The following ZNF398 variants were observed in gnomAD, a reference collection of about 807,000 sequenced individuals.
ZNF398 encodes the protein zinc finger DNA binding protein ZER6.
ZNF398 carries 18 observed loss-of-function variants against 41.9 expected under a neutral mutation model. The observed-to-expected ratio is 0.43, with a 90% confidence interval of 0.30 to 0.64. The LOEUF (loss-of-function observed/expected upper bound fraction) is 0.64. Ranked by LOEUF, ZNF398 falls within the 30% of genes least tolerant of loss-of-function variation. The probability of loss-of-function intolerance (pLI) is 0.14; values close to 1 mark genes in which losing one functional copy is unlikely to be tolerated. For synonymous variants in ZNF398, 260 were observed against 308.8 expected (o/e 0.84, Z 1.66); for missense variants, 669 against 822.8 (o/e 0.81, Z 2.29).
At chr7:149,138,916 ATTT>A (rs35109418) in intron 2 of ZNF398, among the ~76,000 whole-genome samples, 1 of 145,024 alleles carries the variant, frequency 6.9e-6, no homozygotes, top group Non-Finnish European at 1.5e-5. Flanking sequence ...TGCCCAGCTA[ATTT>A]TTTTTTTTTT....
At chr7:149,166,131 G>T in intron 2 of ZNF398, 27 bp from the exon 3 acceptor site, 1 of 1,609,484 alleles carries the variant, frequency 6.2e-7, no homozygotes, top group Non-Finnish European at 8.5e-7. Context: ...TAATGGAAGG[G>T]ACTAACCCAT....
At chr7:149,143,062 C>T (rs1222584723), upstream of ZNF398, among the ~76,000 whole-genome samples, 2 of 152,052 alleles carry the variant, frequency 1.3e-5, no homozygotes, top group African/African-American at 2.4e-5. Flanking sequence ...AGGTGATTCT[C>T]CCACATCTAG....
At chr7:149,140,379 A>C (rs781355256) in intron 2 of ZNF398, among the ~76,000 whole-genome samples, 3 of 152,122 alleles carry the variant, frequency 2.0e-5, no homozygotes, top group Admixed American at 6.6e-5. Flanking sequence ...CATTCATAAC[A>C]GTACATAAAA....
chr7:149,126,428 G>T, exon 1 of ZNF398: 1 of 854,032 alleles, frequency 1.2e-6, no homozygotes, highest in Non-Finnish European at 1.7e-6. Context: ...GGTCCTCAGA[G>T]GAGGGGCCCG....
rs556288094 is a variant in ZNF398 at position 149,149,959 on chromosome 7, A to G, written c.24+2193A>G. 3.0e-4 allele frequency among the ~76,000 whole-genome samples: 45 copies of G among 152,304 alleles called. 1 individual carries two copies. The South Asian group carries it at 8.9e-3, about 30-fold the overall frequency. On this transcript the variant is annotated intron_variant, in intron 1 of 5. Transcript: ENST00000475153. ...CAGTGGCCACATGTAGGTAGTGGCT[A>G]CTGTATTGAACAGTGCCAGTCCACC... is the stretch of plus-strand genomic sequence containing the variant.
chr7:149,149,109 T>C (rs1827044529), intron 1 of ZNF398, among the ~76,000 whole-genome samples: 1 of 151,690 alleles, frequency 6.6e-6, no homozygotes, highest in Non-Finnish European at 1.5e-5. Flanking sequence ...TTCGAGGCAG[T>C]CCACACCGCG....
At chr7:149,129,687 G>C (rs1012817883) in intron 2 of ZNF398, among the ~76,000 whole-genome samples, 1 of 151,294 alleles carries the variant, frequency 6.6e-6, no homozygotes, top group Non-Finnish European at 1.5e-5. Flanking sequence ...GCCTACAACA[G>C]TTTTATTTTA....
At chr7:149,134,947 T>G (rs1300949134) in intron 2 of ZNF398, among the ~76,000 whole-genome samples, 1 of 152,088 alleles carries the variant, frequency 6.6e-6, no homozygotes, top group Non-Finnish European at 1.5e-5. Flanking sequence ...GCCAGGCTGG[T>G]CTGGAATCCC....
Position 149,166,976 on chromosome 7 carries a change from C to T in ZNF398, c.661+46C>T, listed in dbSNP as rs369700851. 8 of 1,403,266 alleles carry T rather than the reference C, an allele frequency of 5.7e-6. No homozygotes were observed. The African/African-American group carries it at 1.1e-4, about 20-fold the overall frequency. The allele number at this position is 1,403,266 out of a possible 1,614,324, so 86.9% of individuals were successfully genotyped here. A position where few individuals can be genotyped will look rare whatever the true frequency, so the allele number is the denominator to read the frequency against. On this transcript the variant is annotated intron_variant, in intron 4 of 5. Coordinates refer to ENST00000475153, the MANE Select transcript of ZNF398 (RefSeq NM_170686.3). Reference sequence around the variant, plus strand: ...CTACTTCTTGTCTCCCTTTCCTGGTCAGACATGGTGGCTCAGAGCTAAGCA... The same window carrying T: ...CTACTTCTTGTCTCCCTTTCCTGGTTAGACATGGTGGCTCAGAGCTAAGCA...
intron 2 of ZNF398, among the ~76,000 whole-genome samples, chr7:149,136,238 A>C (rs1348574646): frequency 6.6e-6 from 1 of 152,120 alleles, no homozygotes; most frequent in Admixed American, 6.6e-5. Context: ...TAAAAATCAC[A>C]CTCAAGGCTG....
At chr7:149,165,997 T>C (rs118149967) in intron 2 of ZNF398, among the ~76,000 whole-genome samples, 161 bp from the exon 3 acceptor site, 4,517 of 152,282 alleles carry the variant, frequency 0.03, 124 homozygotes, top group South Asian at 0.037. Flanking sequence ...GATTTTCTAA[T>C]GACAAGTGAA....
chr7:149,147,798 C>A lies in ZNF398; in HGVS notation c.24+32C>A, dbSNP rs769014125. On this transcript the variant is annotated intron_variant, in intron 1 of 5. Coordinates refer to ENST00000475153, the MANE Select transcript of ZNF398 (RefSeq NM_170686.3). The surrounding 1 kb of genome is among the most constrained non-coding windows in gnomAD (Gnocchi z 5.6). ...GCGGCCGCGCGCGAGTGTTGTGAGCCCCCGAGACCCAGACCCCGAGGGAGG... is the reference window on the plus strand; with the variant it reads ...GCGGCCGCGCGCGAGTGTTGTGAGCACCCGAGACCCAGACCCCGAGGGAGG... 7.3e-7 allele frequency: 1 copy of A among 1,372,762 alleles called. No homozygotes were observed. 85.0% of individuals were successfully genotyped at this position (1,372,762 alleles called of 1,614,324 possible). A position where few individuals can be genotyped will look rare whatever the true frequency, so the allele number is the denominator to read the frequency against.
At position 149,182,833 on chromosome 7, in the gene ZNF398, A is replaced by G. The variant is rs1158353247; in HGVS notation, c.*3032A>G. ...TGGCCCTGCTCCTTTTCTGCTGAACATTTAGTATTGGAAACTCCTACTTCC... is the reference window on the plus strand; with the variant it reads ...TGGCCCTGCTCCTTTTCTGCTGAACGTTTAGTATTGGAAACTCCTACTTCC... On this transcript the variant is annotated 3_prime_UTR_variant, in exon 6 of 6. Coordinates refer to ENST00000475153, the MANE Select transcript of ZNF398 (RefSeq NM_170686.3). The G allele has an allele frequency of 6.6e-6, 1 of 152,176 alleles. No individual in the cohort carries two copies. The highest frequency in any genetic ancestry group is 2.4e-5 in the African/African-American group (1 of 41,418). 9.4% of individuals were successfully genotyped at this position (152,176 alleles called of 1,614,324 possible). A position where few individuals can be genotyped will look rare whatever the true frequency, so the allele number is the denominator to read the frequency against.
intron 1 of ZNF398, among the ~76,000 whole-genome samples, chr7:149,149,760 C>T (rs939231016): frequency 2.0e-5 from 3 of 152,048 alleles, no homozygotes; most frequent in Non-Finnish European, 4.4e-5. Flanking sequence ...GGTGTTTGAG[C>T]CAGGGAGGTG....
chr7:149,143,392 G>C (rs1826866557), upstream of ZNF398, among the ~76,000 whole-genome samples: 1 of 152,200 alleles, frequency 6.6e-6, no homozygotes. Flanking sequence ...TGCCATCAGT[G>C]TATTTTTTAC....
intron 2 of ZNF398, among the ~76,000 whole-genome samples, chr7:149,155,730 A>ATTTCTT (rs148643688): frequency 1.1e-5 from 1 of 92,392 alleles, no homozygotes; most frequent in Non-Finnish European, 2.0e-5. Context: ...TTTTTTTTTT[A>ATTTCTT]ATTTTTTTTT....
intron 2 of ZNF398, among the ~76,000 whole-genome samples, chr7:149,136,744 A>G (rs7799527): frequency 0.54 from 81,194 of 150,334 alleles, 25,183 homozygotes; most frequent in East Asian, 0.9. Context: ...ATTTTTTAAT[A>G]TTTTTAGTAG....
intron 2 of ZNF398, among the ~76,000 whole-genome samples, chr7:149,139,174 T>A (rs1294667596): frequency 1.3e-5 from 2 of 152,062 alleles, no homozygotes. Flanking sequence ...CCTCCTAAAG[T>A]GCTGGGATTA....
At chr7:149,171,010 A>AT (rs71192761) in intron 4 of ZNF398, among the ~76,000 whole-genome samples, 17,307 of 137,182 alleles carry the variant, frequency 0.13, 1,568 homozygotes, top group African/African-American at 0.26. Flanking sequence ...CGCCCGGCTA[A>AT]TTTTTTTTTT....
Sources: allele counts gnomAD v4.1 joint callset (sites outside exome capture counted in the v4.1 genomes callset), GRCh38; gene constraint gnomAD v4.1.1; non-coding constraint Gnocchi (gnomAD v3.1); transcripts MANE v1.5; gene names NCBI Gene and HGNC (gene_info 2026-07-23, HGNC 2026-07-21).